Variants in PTPRT observed in about 807,000 individuals in gnomAD.
PTPRT encodes the protein receptor-type tyrosine-protein phosphatase T.
A neutral mutation model predicts 176.8 loss-of-function variants in PTPRT; 56 were observed. The observed-to-expected ratio is 0.32, with a 90% CI of 0.26 to 0.40. The LOEUF is 0.40. Among genes scored for constraint, PTPRT ranks in the 10% least tolerant of loss-of-function variants. PTPRT has a pLI of 1.00. For synonymous variants in PTPRT, 783 were observed against 739.0 expected (o/e 1.06, Z -0.96); for missense variants, 1,540 against 1,908.2 (o/e 0.81, Z 3.60).
At chr20:42,259,742 G>A (rs1021758900) in intron 13 of PTPRT, among the ~76,000 whole-genome samples, 2 of 152,338 alleles carry the variant, frequency 1.3e-5, no homozygotes, top group South Asian at 2.1e-4. Context: ...GTCAACTTAC[G>A]GCTCGGGTTT....
intron 1 of PTPRT, among the ~76,000 whole-genome samples, chr20:42,992,802 T>G (rs893184078): frequency 2.0e-5 from 3 of 152,214 alleles, no homozygotes; most frequent in African/African-American, 7.2e-5. Context: ...ACATAGAGAC[T>G]GATGCAGCTA....
chr20:42,960,773 A>T (rs998696603), intron 1 of PTPRT, among the ~76,000 whole-genome samples: 1 of 152,168 alleles, frequency 6.6e-6, no homozygotes, highest in African/African-American at 2.4e-5. Flanking sequence ...TGATACAACG[A>T]TGTCATAAAC....
intron 6 of PTPRT, among the ~76,000 whole-genome samples, chr20:42,709,018 T>G (rs758185088): frequency 6.6e-6 from 1 of 152,226 alleles, no homozygotes; most frequent in Non-Finnish European, 1.5e-5. Context: ...CAGAGAGGTT[T>G]CTGCCTCAGA....
chr20:42,366,364 G>T (rs2058514151), intron 9 of PTPRT, among the ~76,000 whole-genome samples: 1 of 152,176 alleles, frequency 6.6e-6, no homozygotes, highest in Non-Finnish European at 1.5e-5. Flanking sequence ...CCCCAGACTT[G>T]GGAGGTTGCT....
At chr20:42,184,518 C>CCTTCTTCTTCTTCCT (rs1990651776) in intron 16 of PTPRT, among the ~76,000 whole-genome samples, 31 of 54,476 alleles carry the variant, frequency 5.7e-4, no homozygotes, top group African/African-American at 7.8e-4. Flanking sequence ...TCCTCCTCCT[C>CCTTCTTCTTCTTCCT]CTTCTTCTTC....
chr20:42,560,391 C>T (rs988103727), intron 7 of PTPRT, among the ~76,000 whole-genome samples: 2 of 152,108 alleles, frequency 1.3e-5, no homozygotes, highest in Admixed American at 1.3e-4. Context: ...GTATTTGAGG[C>T]CAAACAACTG....
intron 4 of PTPRT, among the ~76,000 whole-genome samples, chr20:42,778,935 A>C (rs1476980239): frequency 1.3e-5 from 2 of 152,204 alleles, no homozygotes; most frequent in Non-Finnish European, 2.9e-5. Flanking sequence ...ACTTTCAGCC[A>C]GTGCAAAGAA....
chr20:42,853,626 T>C (rs1399442464), intron 2 of PTPRT, among the ~76,000 whole-genome samples: 3 of 152,204 alleles, frequency 2.0e-5, no homozygotes, highest in Admixed American at 2.0e-4. Context: ...AACGATTGGA[T>C]TAAGCTTGCC....
intron 3 of PTPRT, among the ~76,000 whole-genome samples, chr20:42,786,106 T>C (rs558887715): frequency 7.9e-5 from 12 of 152,304 alleles, no homozygotes; most frequent in South Asian, 6.2e-4. Context: ...CCTTCCACCA[T>C]GTAAGATGTG....
intron 2 of PTPRT, among the ~76,000 whole-genome samples, chr20:42,854,002 A>G (rs2078520409): frequency 1.3e-5 from 2 of 152,142 alleles, no homozygotes; most frequent in Non-Finnish European, 1.5e-5. Context: ...ATATGTCTAG[A>G]TCTGTGTCAA....
chr20:42,527,892 T>C (rs553267803), intron 7 of PTPRT, among the ~76,000 whole-genome samples: 3 of 152,360 alleles, frequency 2.0e-5, no homozygotes, highest in African/African-American at 7.2e-5. Context: ...AACTACCATT[T>C]ATTAAGTTAT....
chr20:42,981,225 T>C (rs1983253860), intron 1 of PTPRT, among the ~76,000 whole-genome samples: 1 of 152,238 alleles, frequency 6.6e-6, no homozygotes, highest in South Asian at 2.1e-4. Context: ...ATGTACCTCC[T>C]TCAACTTCCT....
At chr20:42,505,369 T>C (rs1441303618) in intron 7 of PTPRT, among the ~76,000 whole-genome samples, 2 of 152,158 alleles carry the variant, frequency 1.3e-5, no homozygotes, top group African/African-American at 4.8e-5. Context: ...CGGCGTGATG[T>C]CAGCTTACTG....
At chr20:42,726,167 C>A (rs190884537) in intron 6 of PTPRT, among the ~76,000 whole-genome samples, 1 of 151,684 alleles carries the variant, frequency 6.6e-6, no homozygotes, top group East Asian at 1.9e-4. Flanking sequence ...GCAACCTCTG[C>A]GTCCCAGGTT....
chr20:42,049,753 A>C, the PTPRT span, among the ~76,000 whole-genome samples: 21 of 152,020 alleles, frequency 1.4e-4, no homozygotes, highest in African/African-American at 4.8e-4. Context: ...GAGTTCTGAG[A>C]CTCTCCACTT....
intron 2 of PTPRT, among the ~76,000 whole-genome samples, chr20:42,814,120 G>A (rs549212074): frequency 9.2e-4 from 140 of 152,100 alleles, no homozygotes; most frequent in African/African-American, 3.3e-3. Context: ...TTGGTGGGTG[G>A]GGAAAAAGAT....
intron 11 of PTPRT, among the ~76,000 whole-genome samples, chr20:42,343,688 GT>G (rs1372252218): frequency 6.6e-6 from 1 of 152,160 alleles, no homozygotes; most frequent in Non-Finnish European, 1.5e-5. Context: ...AGGTAATGTT[GT>G]TTTGAAGATC....
chr20:43,084,724 G>T (rs1008982830), intron 1 of PTPRT, among the ~76,000 whole-genome samples: 5 of 151,544 alleles, frequency 3.3e-5, no homozygotes, highest in African/African-American at 1.2e-4. Context: ...TTTATAATCA[G>T]AAAAAAATAA....
At chr20:42,550,500 C>G (rs2072749061) in intron 7 of PTPRT, among the ~76,000 whole-genome samples, 1 of 151,784 alleles carries the variant, frequency 6.6e-6, no homozygotes, top group African/African-American at 2.4e-5. Flanking sequence ...GAATAGATAT[C>G]CCACCTCAAA....
Sources: allele counts gnomAD v4.1 joint callset (sites outside exome capture counted in the v4.1 genomes callset), GRCh38; gene constraint gnomAD v4.1.1; transcripts MANE v1.5; gene names NCBI Gene and HGNC (gene_info 2026-07-23, HGNC 2026-07-21).